Variants in TMC3 observed in about 807,000 individuals in gnomAD.
TMC3 encodes the protein transmembrane channel-like protein 3.
Under a neutral mutation model 110.6 loss-of-function variants are expected in TMC3, and 98 were observed. That is an observed-to-expected ratio of 0.89 (90% confidence interval 0.75 to 1.05). TMC3 has a LOEUF of 1.05. TMC3 is among the 50% of genes least tolerant of loss of function. TMC3 has a pLI of 0.00. For synonymous variants in TMC3, 489 were observed against 513.1 expected (o/e 0.95, Z 0.63); for missense variants, 1,319 against 1,373.2 (o/e 0.96, Z 0.62).
chr15:81,338,032 A>T, intron 18 of TMC3, 108 bp from the exon 19 acceptor site: 2 of 847,754 alleles, frequency 2.4e-6, no homozygotes, highest in African/African-American at 3.3e-5. Context: ...CCCAGGCCAG[A>T]TGCGGGCTAT....
intron 11 of TMC3, among the ~76,000 whole-genome samples, chr15:81,348,800 C>T (rs990769375): frequency 3.9e-5 from 6 of 151,988 alleles, no homozygotes; most frequent in African/African-American, 1.4e-4. Flanking sequence ...TCTTGGTTCC[C>T]TTTTGTTCAT....
intron 9 of TMC3, 26 bp from the exon 10 acceptor site, chr15:81,351,867 C>T (rs372694309): frequency 9.9e-6 from 16 of 1,609,898 alleles, no homozygotes; most frequent in Admixed American, 1.7e-5. Flanking sequence ...GGCATGAGAA[C>T]GGTACACAGG....
chr15:81,355,089 A>C (rs1269366070), intron 9 of TMC3, among the ~76,000 whole-genome samples: 3 of 152,108 alleles, frequency 2.0e-5, no homozygotes. Flanking sequence ...TCATTATTCC[A>C]GAGGCTGGGT....
In TMC3 at chr15:81,337,846, G is replaced by T. The variant is rs534764140; in HGVS notation, c.2160C>A (p.Asn720Lys). 5.6e-6 allele frequency: 9 copies of T among 1,612,856 alleles called. No homozygotes were observed. Among genetic ancestry groups the T allele is most frequent in the African/African-American group, 1.3e-5 (1 of 74,908 alleles). ...SNHQLKMQIQNARSEDKKKVA... is the reference protein window; with the variant it reads ...SNHQLKMQIQKARSEDKKKVA... Reference sequence around the variant, plus strand: ...ATAGCAAAGTTCATGAAATACTTGCGTTTTGGATCTGCATTTTGAGCTGGT... The same window carrying T: ...ATAGCAAAGTTCATGAAATACTTGCTTTTTGGATCTGCATTTTGAGCTGGT... Residue 720 changes from asparagine (N) to lysine (K), a missense_variant and splice_region_variant, in exon 19 of 22, where the codon AAC (asparagine) becomes AAA (lysine). Transcript: ENST00000359440.
At position 81,333,081 on chromosome 15, in the gene TMC3, T is replaced by C. The variant is rs760581998; in HGVS notation, c.2641A>G (p.Arg881Gly). The C allele has an allele frequency of 6.2e-7, 1 of 1,614,026 alleles. No homozygotes were observed. Among genetic ancestry groups the C allele is most frequent in the Non-Finnish European group, 8.5e-7 (1 of 1,179,886 alleles). The change falls in exon 22 of 22, where the codon AGG becomes GGG. Residue 881 changes from arginine (R) to glycine (G), a missense_variant. Transcript: ENST00000359440. Reference protein sequence around the residue: ...QASTLLAQGPRPHAPRYYVIN... With the variant: ...QASTLLAQGPGPHAPRYYVIN... ...ACATAGTATCTGGGGGCGTGGGGCCTGGGACCCTGTGCCAGCAAAGTCGAG... is the reference window on the plus strand; with the variant it reads ...ACATAGTATCTGGGGGCGTGGGGCCCGGGACCCTGTGCCAGCAAAGTCGAG...
intron 2 of TMC3, among the ~76,000 whole-genome samples, chr15:81,372,125 A>AT (rs1894446868): frequency 6.7e-6 from 1 of 149,880 alleles, no homozygotes; most frequent in East Asian, 1.9e-4. Context: ...TTTTTTAATT[A>AT]TTTTTTTACC....
chr15:81,358,154 T>C lies in TMC3; in HGVS notation c.738A>G (p.Leu246=). The C allele has an allele frequency of 1.3e-6, 2 of 1,592,834 alleles. No individual in the cohort carries two copies. Among genetic ancestry groups the C allele is most frequent in the Non-Finnish European group, 1.7e-6 (2 of 1,171,648 alleles). Reference sequence around the variant, plus strand: ...GAGAAATTGAGCAGTCATACTTTTTTAAAAGAATGATGAAGCTGTAAGCAA... The same window carrying C: ...GAGAAATTGAGCAGTCATACTTTTTCAAAAGAATGATGAAGCTGTAAGCAA... ...AVFAYSFIIL[L]KKMAKNSRTS... is the part of the protein sequence containing the mutation. Residue 246 remains leucine (L), a synonymous_variant, in exon 7 of 22, where the codon TTA becomes TTG. Transcript: ENST00000359440.
intron 6 of TMC3, 40 bp from the exon 7 acceptor site, chr15:81,358,331 C>T: frequency 6.3e-7 from 1 of 1,597,874 alleles, no homozygotes; most frequent in Non-Finnish European, 8.5e-7. Flanking sequence ...GCTTCCCGTT[C>T]CCAGGTCTCA....
At chr15:81,362,149 A>G in intron 4 of TMC3, 71 bp downstream of exon 4, 4 of 1,358,508 alleles carry the variant, frequency 2.9e-6, no homozygotes, top group Non-Finnish European at 3.1e-6. Context: ...AGAACACAGC[A>G]GACTCTCCTT....
chr15:81,373,270 A>G (rs981472181), intron 1 of TMC3, among the ~76,000 whole-genome samples: 3 of 152,182 alleles, frequency 2.0e-5, no homozygotes, highest in African/African-American at 7.2e-5. Flanking sequence ...AGCCAGGCAA[A>G]GCAATTTCTA....
Position 81,332,608 on chromosome 15 carries a change from G to A in TMC3, c.3114C>T (p.Leu1038=), listed in dbSNP as rs139261627. The part of the protein sequence containing the change: ...PRGKPRFEPS[L]TESDSVSAAS... ...CTGCCGACACGGAGTCAGATTCCGT[G>A]AGGGATGGCTCGAACCTGGGCTTCC... The change falls in exon 22 of 22, where the codon CTC becomes CTT. Residue 1038 remains leucine, a synonymous_variant. Coordinates refer to ENST00000359440, the MANE Select transcript of TMC3 (RefSeq NM_001080532.3). The A allele has an allele frequency of 1.2e-3, 1,889 of 1,613,936 alleles. 22 individuals are homozygous for A. The African/African-American group carries it at 0.021, about 18-fold the overall frequency.
chr15:81,332,516 C>G lies in TMC3; in HGVS notation c.3206G>C (p.Arg1069Thr). 6.2e-7 allele frequency: 1 copy of G among 1,613,732 alleles called. No individual in the cohort carries two copies. Among genetic ancestry groups the G allele is most frequent in the East Asian group, 2.2e-5 (1 of 44,872 alleles). ...QYLQVTHSQG[R>T]FPRSVGQPSR... ...GGGCTGGCCCACGGACCTCGGGAAC[C>G]TGCCCTGGCTGTGGGTGACCTGCAG... Residue 1069 changes from arginine (R) to threonine (T), a missense_variant, in exon 22 of 22, where the codon AGG becomes ACG. Transcript: ENST00000359440.
intron 12 of TMC3, among the ~76,000 whole-genome samples, chr15:81,345,315 C>T (rs1017951702): frequency 6.6e-6 from 1 of 152,152 alleles, no homozygotes; most frequent in African/African-American, 2.4e-5. Flanking sequence ...ACCTCATGTT[C>T]AGATGAGGAG....
chr15:81,356,700 G>C, intron 7 of TMC3, 106 bp from the exon 8 acceptor site: 2 of 1,269,264 alleles, frequency 1.6e-6, no homozygotes, highest in Non-Finnish European at 2.1e-6. Flanking sequence ...CACCCCTCTG[G>C]GTGGACGCAG....
intron 19 of TMC3, 82 bp from the exon 20 acceptor site, chr15:81,336,733 G>T: frequency 1.3e-5 from 18 of 1,382,608 alleles, no homozygotes; most frequent in Non-Finnish European, 1.8e-5. Flanking sequence ...AAGAGAAAAA[G>T]ATTTACATGC....
intron 4 of TMC3, among the ~76,000 whole-genome samples, chr15:81,360,437 A>G (rs1457073215): frequency 6.6e-6 from 1 of 152,212 alleles, no homozygotes; most frequent in Admixed American, 6.5e-5. Context: ...TACTTAAACT[A>G]TTCCCCATGA....
chr15:81,349,687 C>T (rs9630439), intron 10 of TMC3, 120 bp from the exon 11 acceptor site: 49,493 of 505,800 alleles, frequency 0.098, 5,154 homozygotes, highest in African/African-American at 0.4. Flanking sequence ...GTCCTTGGAT[C>T]CTCCATGGAA....
At position 81,346,754 on chromosome 15, in the gene TMC3, C is replaced by T. The variant is rs572975241; in HGVS notation, c.1194-311G>A. ...GAGTTTAGGAAGTGGGGCCCTAAAA[C>T]GTGTAGTTTATGAGTCATGCTTTCT... On this transcript the variant is annotated intron_variant, in intron 11 of 21. Transcript: ENST00000359440. Among the ~76,000 whole-genome samples, 20 of 152,262 alleles carry T rather than the reference C, an allele frequency of 1.3e-4. No homozygotes were observed. The East Asian group carries it at 2.5e-3, about 19-fold the overall frequency.
chr15:81,331,232 C>A lies in TMC3; in HGVS notation c.*1187G>T, dbSNP rs1893455771. On this transcript the variant is annotated 3_prime_UTR_variant, in exon 22 of 22. Transcript: ENST00000359440. The stretch of plus-strand genomic sequence containing the variant: ...GTACGCGAGGCAGGAAGCGTACTTA[C>A]AGAAGCGAGAGCAAAGGCAGTTGTT... The A allele has an allele frequency of 3.3e-5, 5 of 152,342 alleles. No individual in the cohort carries two copies. The highest frequency in any genetic ancestry group is 1.2e-4 in the African/African-American group (5 of 41,570). 9.4% of individuals were successfully genotyped at this position (152,342 alleles called of 1,614,324 possible). A position where few individuals can be genotyped will look rare whatever the true frequency, so the allele number is the denominator to read the frequency against.
Sources: allele counts gnomAD v4.1 joint callset (sites outside exome capture counted in the v4.1 genomes callset), GRCh38; gene constraint gnomAD v4.1.1; transcripts MANE v1.5; gene names NCBI Gene and HGNC (gene_info 2026-07-23, HGNC 2026-07-21).